The following FRMD4B variants were observed in gnomAD, a reference collection of about 807,000 sequenced individuals.
FRMD4B encodes the protein FERM domain-containing protein 4B.
In FRMD4B, 74 loss-of-function variants were observed where a neutral mutation model predicts 141.5. The observed-to-expected ratio is 0.52, with a 90% CI of 0.43 to 0.63. The LOEUF (loss-of-function observed/expected upper bound fraction) is 0.63. Ranked by LOEUF, FRMD4B falls within the 30% of genes least tolerant of loss-of-function variation. FRMD4B has a pLI of 0.00. For synonymous variants in FRMD4B, 506 were observed against 467.9 expected (o/e 1.08, Z -1.05); for missense variants, 1,366 against 1,253.4 (o/e 1.09, Z -1.36).
At chr3:69,192,340 C>T (rs1360448954) in intron 17 of FRMD4B, among the ~76,000 whole-genome samples, 1 of 152,086 alleles carries the variant, frequency 6.6e-6, no homozygotes, top group Non-Finnish European at 1.5e-5. Flanking sequence ...GGTACCACTG[C>T]ACTCCAGCTT....
chr3:69,183,705 A>T (rs2092734728), intron 19 of FRMD4B, among the ~76,000 whole-genome samples: 1 of 151,768 alleles, frequency 6.6e-6, no homozygotes, highest in Non-Finnish European at 1.5e-5. Context: ...GATGGTCTCG[A>T]TCTCCTGACC....
At chr3:69,182,066 C>T (rs1368505749) in intron 20 of FRMD4B, among the ~76,000 whole-genome samples, 1 of 152,136 alleles carries the variant, frequency 6.6e-6, no homozygotes, top group Non-Finnish European at 1.5e-5. Context: ...AGGGTCCTGT[C>T]TTCCTAGAGG....
intron 1 of FRMD4B, chr3:69,535,876 A>G (rs1701076817): frequency 4.5e-6 from 2 of 442,314 alleles, no homozygotes. Context: ...CTGGTCGAGG[A>G]AGCAATGCCA....
chr3:69,345,241 A>G (rs746330761), intron 1 of FRMD4B, among the ~76,000 whole-genome samples: 8 of 152,200 alleles, frequency 5.3e-5, no homozygotes, highest in Non-Finnish European at 1.0e-4. Flanking sequence ...GCTCATGGCT[A>G]GCACAGCAGT....
chr3:69,302,226 TC>T (rs1701239772), intron 4 of FRMD4B, 116 bp downstream of exon 4: 3 of 670,938 alleles, frequency 4.5e-6, no homozygotes, highest in Admixed American at 4.8e-5. Context: ...AGGTCTCTTC[TC>T]TTTTTATTTG....
intron 1 of FRMD4B, among the ~76,000 whole-genome samples, chr3:69,498,085 G>C (rs1706432462): frequency 6.6e-6 from 1 of 152,138 alleles, no homozygotes; most frequent in South Asian, 2.1e-4. Context: ...TGGGAGCTGA[G>C]GGAATATATT....
chr3:69,257,090 C>T (rs1425442854), intron 5 of FRMD4B, among the ~76,000 whole-genome samples: 1 of 152,172 alleles, frequency 6.6e-6, no homozygotes, highest in Non-Finnish European at 1.5e-5. Flanking sequence ...CTGTAGACAC[C>T]ACCAGATGTC....
intron 2 of FRMD4B, 64 bp downstream of exon 2, chr3:69,313,388 C>G: frequency 9.7e-7 from 1 of 1,029,448 alleles, no homozygotes; most frequent in Non-Finnish European, 1.5e-6. Flanking sequence ...TGAGCTGTCC[C>G]CGTGAGGGTA....
At chr3:69,237,619 C>T (rs995067405) in intron 7 of FRMD4B, among the ~76,000 whole-genome samples, 1 of 151,944 alleles carries the variant, frequency 6.6e-6, no homozygotes, top group Non-Finnish European at 1.5e-5. Flanking sequence ...CTAGCGCCTT[C>T]ATGGGGGTTC....
intron 1 of FRMD4B, among the ~76,000 whole-genome samples, chr3:69,356,975 A>T (rs1411859913): frequency 6.6e-6 from 1 of 152,192 alleles, no homozygotes; most frequent in Non-Finnish European, 1.5e-5. Flanking sequence ...TGCAAACAAA[A>T]ATATCCTATC....
intron 1 of FRMD4B, among the ~76,000 whole-genome samples, chr3:69,350,523 ATG>A (rs1179726379): frequency 6.6e-6 from 1 of 152,178 alleles, no homozygotes; most frequent in African/African-American, 2.4e-5. Flanking sequence ...ACACATGAAC[ATG>A]TATGTTTACT....
At chr3:69,295,899 C>G (rs534718712) in intron 4 of FRMD4B, among the ~76,000 whole-genome samples, 1 of 152,270 alleles carries the variant, frequency 6.6e-6, no homozygotes, top group East Asian at 1.9e-4. Flanking sequence ...TCACTACAAC[C>G]TCTGCCTCCC....
At chr3:69,425,331 C>G (rs761442367) in intron 2 of FRMD4B, among the ~76,000 whole-genome samples, 1 of 152,200 alleles carries the variant, frequency 6.6e-6, no homozygotes. Context: ...AGAGAACTAA[C>G]AGCAAAGTGG....
At chr3:69,233,000 T>C (rs1245108738) in intron 7 of FRMD4B, among the ~76,000 whole-genome samples, 3 of 149,026 alleles carry the variant, frequency 2.0e-5, no homozygotes, top group African/African-American at 7.4e-5. Context: ...GATCCTCCCA[T>C]CTTGGCTTCT....
chr3:69,262,740 G>A (rs918383423), intron 5 of FRMD4B, among the ~76,000 whole-genome samples: 9 of 150,442 alleles, frequency 6.0e-5, no homozygotes, highest in Admixed American at 2.6e-4. Flanking sequence ...GATTACAGGC[G>A]TGAGCCACCG....
chr3:69,203,797 G>A (rs1000620230), intron 11 of FRMD4B, among the ~76,000 whole-genome samples: 1 of 152,180 alleles, frequency 6.6e-6, no homozygotes, highest in African/African-American at 2.4e-5. Flanking sequence ...AGCTGTATTT[G>A]TAATGAAGAA....
chr3:69,363,477 C>T (rs1371514454), intron 1 of FRMD4B, among the ~76,000 whole-genome samples: 1 of 151,352 alleles, frequency 6.6e-6, no homozygotes, highest in Non-Finnish European at 1.5e-5. Context: ...GCAAGCTCCG[C>T]CTCCTGGGTT....
chr3:69,330,340 C>CTTTTTTT lies in FRMD4B; in HGVS notation c.163-16830_163-16824dup, dbSNP rs34238889. On this transcript the variant is annotated intron_variant, in intron 1 of 22. Transcript: ENST00000398540. Reference sequence around the variant, plus strand: ...CAACATTATATTTTGATTCTTTTGCCTTTTTTTTTTTTTTTTTTTTTTTTG... The same window carrying CTTTTTTT: ...CAACATTATATTTTGATTCTTTTGCCTTTTTTTTTTTTTTTTTTTTTTTTTTTTTTTG... 1.3e-3 allele frequency among the ~76,000 whole-genome samples: 56 copies of CTTTTTTT among 42,930 alleles called. 2 individuals carry two copies. The highest frequency in any genetic ancestry group is 4.0e-3 in the African/African-American group (33 of 8,328). The allele number at this position is 42,930 out of a possible 152,430, so 28.2% of individuals were successfully genotyped here.
intron 1 of FRMD4B, among the ~76,000 whole-genome samples, chr3:69,528,638 C>T (rs1290833354): frequency 6.6e-6 from 1 of 152,068 alleles, no homozygotes; most frequent in Admixed American, 6.5e-5. Flanking sequence ...AGTGCTGGGA[C>T]TGCAGGCGTG....
Sources: gnomAD v4.1 joint callset for allele counts (sites outside exome capture counted in the v4.1 genomes callset) on GRCh38, gnomAD v4.1.1 for gene constraint, MANE v1.5 for transcripts, NCBI Gene and HGNC (gene_info 2026-07-23, HGNC 2026-07-21) for gene names.